PKN2: variants seen among roughly 807,000 people sequenced by gnomAD.
PKN2 encodes the protein protein kinase N2, also known as serine/threonine-protein kinase N2.
In PKN2, 38 loss-of-function variants were observed where a neutral mutation model predicts 119.1. That is an observed-to-expected ratio of 0.32 (90% CI 0.25 to 0.42). The LOEUF (loss-of-function observed/expected upper bound fraction) is 0.42. PKN2 is among the 10% of genes least tolerant of loss of function. The probability of loss-of-function intolerance (pLI) is 1.00; values close to 1 mark genes in which losing one functional copy is unlikely to be tolerated. For synonymous variants in PKN2, 390 were observed against 384.9 expected, an observed-to-expected ratio of 1.01 and a Z score of -0.15; for missense variants, 850 against 1,165.1, an observed-to-expected ratio of 0.73 and a Z score of 3.94.
intron 1 of PKN2, among the ~76,000 whole-genome samples, chr1:88,730,628 T>C (rs963378837): frequency 1.3e-5 from 2 of 152,244 alleles, no homozygotes; most frequent in Non-Finnish European, 2.9e-5. Flanking sequence ...CTGTAGACAT[T>C]GTTTCATCTA....
intron 1 of PKN2, among the ~76,000 whole-genome samples, chr1:88,691,998 G>C (rs982983336): frequency 6.6e-6 from 1 of 151,502 alleles, no homozygotes; most frequent in Non-Finnish European, 1.5e-5. Context: ...CGTGGTTTTA[G>C]GCATTTACTG....
At chr1:88,688,252 AT>A (rs1417142562) in intron 1 of PKN2, among the ~76,000 whole-genome samples, 2 of 151,872 alleles carry the variant, frequency 1.3e-5, no homozygotes, top group East Asian at 1.9e-4. Context: ...CACCCGGCTA[AT>A]TTTTTGTATT....
chr1:88,831,432 C>A (rs1484773675), intron 19 of PKN2, among the ~76,000 whole-genome samples: 5 of 151,658 alleles, frequency 3.3e-5, no homozygotes, highest in African/African-American at 9.7e-5. Context: ...CTGTTTCAGT[C>A]CCCAGAAGAA....
intron 1 of PKN2, chr1:88,684,841 C>T: frequency 2.0e-6 from 1 of 497,124 alleles, no homozygotes; most frequent in Non-Finnish European, 3.5e-6. Context: ...GGCCTGCCAC[C>T]GCTTTGGTTT....
rs746044056 is a variant in PKN2 at position 88,807,759 on chromosome 1, C to A, written c.2086C>A (p.Arg696=). 1.3e-6 allele frequency: 2 copies of A among 1,585,984 alleles called. No individual in the cohort carries two copies. The highest frequency in any genetic ancestry group is 3.4e-5 in the Admixed American group (2 of 58,050). The part of the protein sequence containing the change: ...KALKKGDIVA[R]DEVDSLMCEK... The stretch of plus-strand genomic sequence containing the variant: ...CTTAAAGAAAGGAGATATTGTGGCT[C>A]GAGATGAAGTAGACAGGTTAGTTTT... Residue 696 remains arginine (R), a synonymous_variant, in exon 15 of 22, where the codon CGA becomes AGA. Transcript: ENST00000370521.
At chr1:88,685,813 T>G (rs1374387638) in intron 1 of PKN2, among the ~76,000 whole-genome samples, 1 of 152,208 alleles carries the variant, frequency 6.6e-6, no homozygotes, top group Non-Finnish European at 1.5e-5. Flanking sequence ...GATGTCAAAA[T>G]TAAGTATTGC....
chr1:88,811,914 G>A (rs2100891757), intron 15 of PKN2, among the ~76,000 whole-genome samples: 1 of 152,284 alleles, frequency 6.6e-6, no homozygotes, highest in Admixed American at 6.5e-5. Context: ...TTTAGAGCAA[G>A]ATTTAGGTAG....
Position 88,833,517 on chromosome 1 carries a change from C to A in PKN2, c.*69C>A. On this transcript the variant is annotated 3_prime_UTR_variant, in exon 22 of 22. Coordinates refer to ENST00000370521, the MANE Select transcript of PKN2 (RefSeq NM_006256.4). ...CTTAAAAATAGCAACCCTTCATTTG[C>A]TCTCTGTGCCACCAATAGCTTCTGA... The A allele has an allele frequency of 1.7e-6, 2 of 1,162,282 alleles. No homozygotes were observed. The highest frequency in any genetic ancestry group is 2.6e-6 in the Non-Finnish European group (2 of 783,706). The allele number at this position is 1,162,282 out of a possible 1,614,324, so 72.0% of individuals were successfully genotyped here. A position where few individuals can be genotyped will look rare whatever the true frequency, so the allele number is the denominator to read the frequency against.
At chr1:88,808,246 C>T (rs556916341) in intron 15 of PKN2, among the ~76,000 whole-genome samples, 4 of 151,936 alleles carry the variant, frequency 2.6e-5, no homozygotes, top group African/African-American at 7.2e-5. Context: ...TTGACCCTAA[C>T]GTCTGGGTCT....
chr1:88,807,245 T>A, intron 12 of PKN2, 68 bp from the exon 13 acceptor site: 5 of 1,040,668 alleles, frequency 4.8e-6, no homozygotes, highest in Non-Finnish European at 6.8e-6. Context: ...TTTCCTTAAT[T>A]TTATCATTAT....
At chr1:88,700,711 C>T (rs963450574) in intron 1 of PKN2, among the ~76,000 whole-genome samples, 3 of 152,148 alleles carry the variant, frequency 2.0e-5, no homozygotes, top group East Asian at 1.9e-4. Flanking sequence ...TTTCATGTCA[C>T]GTAAAACTAT....
intron 3 of PKN2, among the ~76,000 whole-genome samples, chr1:88,766,655 G>T (rs1173837056): frequency 6.6e-6 from 1 of 151,988 alleles, no homozygotes. Context: ...TCTACCTAAG[G>T]TATGTAAAAA....
intron 8 of PKN2, among the ~76,000 whole-genome samples, chr1:88,794,367 C>CA (rs61455908): frequency 0.032 from 3,705 of 117,344 alleles, 54 homozygotes; most frequent in Middle Eastern, 0.066. Flanking sequence ...AATTCTGTCT[C>CA]AAAAAAAAAA....
At chr1:88,723,604 G>T (rs1227737171) in intron 1 of PKN2, among the ~76,000 whole-genome samples, 2 of 152,120 alleles carry the variant, frequency 1.3e-5, no homozygotes. Flanking sequence ...GTATTTTTTA[G>T]TAGAGGTGAG....
chr1:88,692,340 A>G (rs146455906), intron 1 of PKN2, among the ~76,000 whole-genome samples: 5 of 152,088 alleles, frequency 3.3e-5, no homozygotes, highest in African/African-American at 4.8e-5. Context: ...GACAGTCTGC[A>G]TGTTTCCTAC....
Position 88,741,600 on chromosome 1 carries a change from T to C in PKN2, c.349+312T>C, listed in dbSNP as rs909939850. On this transcript the variant is annotated intron_variant, in intron 2 of 21. Transcript: ENST00000370521. ...ATTGAGTCAATCACATGCTTTTACG[T>C]GATTCATCCTGTAATCAACAGCACA... Among the ~76,000 whole-genome samples the C allele has an allele frequency of 2.0e-5, 3 of 152,144 alleles. No individual in the cohort carries two copies. In the East Asian group the frequency reaches 5.8e-4, roughly 29 times the overall value.
At chr1:88,730,277 C>G (rs919081927) in intron 1 of PKN2, among the ~76,000 whole-genome samples, 3 of 152,112 alleles carry the variant, frequency 2.0e-5, no homozygotes, top group Non-Finnish European at 4.4e-5. Context: ...GGTAGCCAGT[C>G]TAGGGCTTGT....
At chr1:88,806,461 C>T (rs1175006497) in intron 12 of PKN2, among the ~76,000 whole-genome samples, 2 of 150,980 alleles carry the variant, frequency 1.3e-5, no homozygotes, top group Non-Finnish European at 3.0e-5. Context: ...TGAGCCACTG[C>T]ACCCAGCCGA....
intron 8 of PKN2, among the ~76,000 whole-genome samples, chr1:88,786,477 A>T (rs1361858944): frequency 6.6e-6 from 1 of 152,202 alleles, no homozygotes; most frequent in Non-Finnish European, 1.5e-5. Context: ...GTAAGGTGTA[A>T]TATTGAAGCA....
Sources: allele counts gnomAD v4.1 joint callset (sites outside exome capture counted in the v4.1 genomes callset), GRCh38; gene constraint gnomAD v4.1.1; transcripts MANE v1.5; gene names NCBI Gene and HGNC (gene_info 2026-07-23, HGNC 2026-07-21).